The following GRIN2B variants were observed in gnomAD, a reference collection of about 807,000 sequenced individuals.
GRIN2B encodes the protein glutamate ionotropic receptor NMDA type subunit 2B.
In GRIN2B, 5 loss-of-function variants were observed where a neutral mutation model predicts 114.5. The ratio of observed to expected loss-of-function variants is 0.04; its 90% CI spans 0.02 to 0.09. GRIN2B has a LOEUF of 0.09. Ranked by LOEUF, GRIN2B falls within the 10% of genes least tolerant of loss-of-function variation. The pLI is 1.00. For synonymous variants in GRIN2B, 787 were observed against 745.1 expected (o/e 1.06, Z -0.92); for missense variants, 1,108 against 1,943.5 (o/e 0.57, Z 8.08).
At chr12:13,850,612 T>G (rs1408007928) in intron 3 of GRIN2B, among the ~76,000 whole-genome samples, 3 of 152,202 alleles carry the variant, frequency 2.0e-5, no homozygotes, top group Admixed American at 6.5e-5. Context: ...CTCCCTTGGC[T>G]ATTCCCTTAT....
At chr12:13,939,978 G>T (rs1211329738) in intron 2 of GRIN2B, among the ~76,000 whole-genome samples, 8 of 152,152 alleles carry the variant, frequency 5.3e-5, no homozygotes, top group Non-Finnish European at 1.0e-4. Context: ...GAGCTGGGAA[G>T]TAACCACAGT....
chr12:13,826,027 T>G (rs529116568), intron 3 of GRIN2B, among the ~76,000 whole-genome samples: 14 of 151,506 alleles, frequency 9.2e-5, no homozygotes, highest in African/African-American at 3.4e-4. Context: ...TTGTTTCTTC[T>G]TTTTTTTTCT....
At chr12:13,588,018 C>T (rs1259697172) in intron 10 of GRIN2B, among the ~76,000 whole-genome samples, 2 of 152,220 alleles carry the variant, frequency 1.3e-5, no homozygotes, top group Admixed American at 6.5e-5. Flanking sequence ...GAAACAGACT[C>T]ACTAATTGGG....
chr12:13,581,302 C>T (rs1948844704), intron 10 of GRIN2B, among the ~76,000 whole-genome samples: 2 of 152,124 alleles, frequency 1.3e-5, no homozygotes, highest in Non-Finnish European at 2.9e-5. Context: ...TTCCTTAGCC[C>T]AGGGGTGTTG....
At chr12:13,718,091 T>A (rs1950473573) in intron 4 of GRIN2B, among the ~76,000 whole-genome samples, 1 of 152,036 alleles carries the variant, frequency 6.6e-6, no homozygotes, top group African/African-American at 2.4e-5. Flanking sequence ...CTCACAGACA[T>A]GATTATGTTT....
At position 13,559,541 on chromosome 12, in the gene GRIN2B, C is replaced by G. The variant is rs4522263; in HGVS notation, c.*3242G>C. ...GGCAAATAAAGAGCCGCTATTGGCA[C>G]CATTGCTCACATACCCACCCTCCCA... is the stretch of plus-strand genomic sequence containing the variant. On this transcript the variant is annotated 3_prime_UTR_variant, in exon 14 of 14. Coordinates refer to ENST00000609686, the MANE Select transcript of GRIN2B (RefSeq NM_000834.5). 8,972 of 152,248 alleles carry G rather than the reference C, an allele frequency of 0.059. 373 individuals are homozygous for G. Among genetic ancestry groups the G allele is most frequent in the East Asian group, 0.2 (1,038 of 5,178 alleles). 9.4% of individuals were successfully genotyped at this position (152,248 alleles called of 1,614,324 possible). A position where few individuals can be genotyped will look rare whatever the true frequency, so the allele number is the denominator to read the frequency against.
chr12:13,842,297 TACC>T (rs1342380632), intron 3 of GRIN2B, among the ~76,000 whole-genome samples: 4 of 152,244 alleles, frequency 2.6e-5, no homozygotes, highest in Non-Finnish European at 2.9e-5. Context: ...GGTAACCACC[TACC>T]AGGTGTCAAC....
intron 2 of GRIN2B, among the ~76,000 whole-genome samples, chr12:13,897,362 G>A (rs886923144): frequency 2.0e-5 from 3 of 152,068 alleles, no homozygotes; most frequent in Non-Finnish European, 4.4e-5. Context: ...CTGCTTCACC[G>A]GTAAAGCCAA....
intron 3 of GRIN2B, among the ~76,000 whole-genome samples, chr12:13,778,507 T>C (rs2300265): frequency 0.052 from 7,883 of 152,252 alleles, 345 homozygotes; most frequent in East Asian, 0.21. Context: ...TGCCAGGTAT[T>C]TGCCCTTTAG....
intron 5 of GRIN2B, among the ~76,000 whole-genome samples, chr12:13,663,611 A>C (rs909705461): frequency 2.6e-5 from 4 of 152,210 alleles, no homozygotes; most frequent in African/African-American, 9.6e-5. Flanking sequence ...TTTATTATTA[A>C]TTAAGACTCA....
In GRIN2B at chr12:13,877,075, T is replaced by C. The variant is rs148350280; in HGVS notation, c.-18-10849A>G. Among the ~76,000 whole-genome samples the C allele has an allele frequency of 3.4e-3, 517 of 152,340 alleles. 3 individuals are homozygous for C. The highest frequency in any genetic ancestry group is 5.8e-3 in the Non-Finnish European group (394 of 68,030). ...TCATTTCTAGGTCAATGTTGTTAGT[T>C]GGTAATTGCCTATGTATCTGGATGT... On this transcript the variant is annotated intron_variant, in intron 2 of 13. Transcript: ENST00000609686.
rs2136407051 is a variant in GRIN2B at position 13,564,999 on chromosome 12, GATATCAACCCATAGCAAAAA to G, written c.2599-380_2599-361del. 6.6e-6 allele frequency among the ~76,000 whole-genome samples: 1 copy of G among 152,272 alleles called. No individual in the cohort carries two copies. Among genetic ancestry groups the G allele is most frequent in the Admixed American group, 6.5e-5 (1 of 15,304 alleles). ...TTTCACATCTTAAAAATGAGGCCAT[GATATCAACCCATAGCAAAAA>G]ATATCATCAGCCTCCTGGAAATAAA... On this transcript the variant is annotated intron_variant, in intron 13 of 13. Coordinates refer to ENST00000609686, the MANE Select transcript of GRIN2B (RefSeq NM_000834.5). The surrounding 1 kb of genome is among the most constrained non-coding windows in gnomAD (Gnocchi z 4.8).
At chr12:13,659,105 G>C (rs749382317) in intron 5 of GRIN2B, among the ~76,000 whole-genome samples, 9 of 152,074 alleles carry the variant, frequency 5.9e-5, no homozygotes, top group Non-Finnish European at 8.8e-5. Flanking sequence ...TGCATTCTTA[G>C]TGGTATCTTC....
chr12:13,954,265 C>T (rs1045925794), intron 2 of GRIN2B, among the ~76,000 whole-genome samples: 13 of 152,144 alleles, frequency 8.5e-5, no homozygotes, highest in Admixed American at 8.5e-4. Flanking sequence ...CACAAACAAA[C>T]GTAATTTGCT....
upstream of GRIN2B, chr12:13,982,048 C>G (rs1255416883): frequency 6.6e-6 from 1 of 151,750 alleles, no homozygotes. Context: ...CCCCCAAGCC[C>G]CTGCACCCCC....
intron 3 of GRIN2B, among the ~76,000 whole-genome samples, chr12:13,799,426 A>G (rs61232388): frequency 0.029 from 4,452 of 152,166 alleles, 69 homozygotes; most frequent in Middle Eastern, 0.061. Flanking sequence ...CTGGCACCAA[A>G]TCCACTTAAG....
chr12:13,587,703 C>A (rs2136435784), intron 10 of GRIN2B, among the ~76,000 whole-genome samples: 1 of 152,288 alleles, frequency 6.6e-6, no homozygotes, highest in Admixed American at 6.5e-5. Context: ...AACATATTAA[C>A]ATTTATTTTT....
chr12:13,960,687 G>A (rs1354088550), intron 2 of GRIN2B, among the ~76,000 whole-genome samples: 2 of 152,180 alleles, frequency 1.3e-5, no homozygotes, highest in African/African-American at 4.8e-5. Context: ...TGACCACACT[G>A]AAAGCAGCAG....
At chr12:13,776,827 G>A (rs989957263) in intron 3 of GRIN2B, among the ~76,000 whole-genome samples, 1 of 152,124 alleles carries the variant, frequency 6.6e-6, no homozygotes, top group Admixed American at 6.5e-5. Context: ...AGAAATGGAG[G>A]AGAGGAGACA....
Sources: allele counts gnomAD v4.1 joint callset (sites outside exome capture counted in the v4.1 genomes callset), GRCh38; gene constraint gnomAD v4.1.1; non-coding constraint Gnocchi (gnomAD v3.1); transcripts MANE v1.5; gene names NCBI Gene and HGNC (gene_info 2026-07-23, HGNC 2026-07-21).